FAM171A1: variants seen among roughly 807,000 people sequenced by gnomAD.
FAM171A1 encodes family with sequence similarity 171 member A1.
Under a neutral mutation model 74.9 loss-of-function variants are expected in FAM171A1, and 23 were observed. That is an observed-to-expected ratio of 0.31 (90% CI 0.22 to 0.44). The LOEUF (loss-of-function observed/expected upper bound fraction) is 0.44. Among genes scored for constraint, FAM171A1 ranks in the 20% least tolerant of loss-of-function variants. FAM171A1 has a pLI of 1.00. For missense variants in FAM171A1, 1,162 were observed against 1,159.2 expected, an observed-to-expected ratio of 1.00 and a Z score of -0.03; for synonymous variants, 527 against 505.7, an observed-to-expected ratio of 1.04 and a Z score of -0.57.
At chr10:15,262,491 G>C (rs1458561988) in intron 3 of FAM171A1, among the ~76,000 whole-genome samples, 1 of 152,164 alleles carries the variant, frequency 6.6e-6, no homozygotes, top group Admixed American at 6.5e-5. Flanking sequence ...GGCAGAACCG[G>C]GTAGGGTGGT....
chr10:15,337,271 A>C (rs1835712308), intron 1 of FAM171A1, among the ~76,000 whole-genome samples: 1 of 152,266 alleles, frequency 6.6e-6, no homozygotes, highest in African/African-American at 2.4e-5. Flanking sequence ...AAAGAAATAT[A>C]TGCAAATGGT....
chr10:15,289,937 T>G (rs569372786), intron 1 of FAM171A1, among the ~76,000 whole-genome samples: 9 of 152,212 alleles, frequency 5.9e-5, no homozygotes, highest in African/African-American at 1.9e-4. Flanking sequence ...CTTTTGGCCC[T>G]TTAGAGAAAA....
In FAM171A1 at chr10:15,328,560, C is replaced by T. The variant is rs192125996; in HGVS notation, c.97+42396G>A. Among the ~76,000 whole-genome samples, 6 of 152,354 alleles carry T rather than the reference C, an allele frequency of 3.9e-5. No individual in the cohort carries two copies. The East Asian group carries it at 7.7e-4, about 20-fold the overall frequency. ...GAACTGTGGGGGCAATATGCTGTTT[C>T]GGTAACTTGCTCTGCTCAGGCAACA... On this transcript the variant is annotated intron_variant, in intron 1 of 7. Transcript: ENST00000378116.
At position 15,329,998 on chromosome 10, in the gene FAM171A1, T is replaced by C. The variant is rs60145113; in HGVS notation, c.97+40958A>G. On this transcript the variant is annotated intron_variant, in intron 1 of 7. Transcript: ENST00000378116. ...AAGATAAGCACTTTCTTGCATAGTA[T>C]GGCACTGCAAATCACTGAATATTAT... Among the ~76,000 whole-genome samples the C allele has an allele frequency of 2.8e-3, 431 of 152,332 alleles. 19 individuals are homozygous for C. In the East Asian group the frequency reaches 0.064, roughly 23 times the overall value.
chr10:15,267,619 A>G (rs1054484685), intron 3 of FAM171A1, among the ~76,000 whole-genome samples: 1 of 150,766 alleles, frequency 6.6e-6, no homozygotes, highest in African/African-American at 2.4e-5. Context: ...AAAAAAAAAA[A>G]AAAAAAAAAA....
intron 1 of FAM171A1, among the ~76,000 whole-genome samples, chr10:15,325,861 G>A (rs1382590631): frequency 6.6e-6 from 1 of 152,182 alleles, no homozygotes; most frequent in African/African-American, 2.4e-5. Flanking sequence ...GTCATAGGAA[G>A]TAAAAAGAAA....
At chr10:15,288,813 C>CTTTTT (rs71505064) in intron 1 of FAM171A1, among the ~76,000 whole-genome samples, 1,795 of 73,676 alleles carry the variant, frequency 0.024, 312 homozygotes, top group Non-Finnish European at 0.032. Context: ...TTCGGTAATT[C>CTTTTT]TTTTTTTTTT....
intron 1 of FAM171A1, among the ~76,000 whole-genome samples, chr10:15,324,132 C>T (rs1299053100): frequency 2.6e-5 from 4 of 152,142 alleles, no homozygotes; most frequent in Non-Finnish European, 4.4e-5. Flanking sequence ...CACCCCAGCA[C>T]GTGTAAAATT....
intron 3 of FAM171A1, among the ~76,000 whole-genome samples, chr10:15,269,056 A>T (rs1303693891): frequency 3.3e-5 from 5 of 151,850 alleles, no homozygotes; most frequent in African/African-American, 4.8e-5. Flanking sequence ...AAACAAACAA[A>T]CAAACAAACA....
intron 1 of FAM171A1, among the ~76,000 whole-genome samples, chr10:15,331,859 G>GTGTATACATACATA (rs60559617): frequency 4.4e-5 from 2 of 44,954 alleles, no homozygotes; most frequent in African/African-American, 1.7e-4. Context: ...ATATATGTGT[G>GTGTATACATACATA]TATATATATG....
intron 1 of FAM171A1, among the ~76,000 whole-genome samples, chr10:15,345,596 G>A (rs1835809241): frequency 6.6e-6 from 1 of 152,142 alleles, no homozygotes; most frequent in South Asian, 2.1e-4. Context: ...CCGGTGGTCA[G>A]GAGGGAGGTC....
At position 15,212,924 on chromosome 10, in the gene FAM171A1, G is replaced by A. The variant is rs1159098239; in HGVS notation, c.2664C>T (p.Asn888=). ...GTGGGTCTGCGATAGCTCATTTAAT[G>A]TTAAACGCCATCAGGGGCCTCTCCT... The part of the protein sequence containing the change: ...KREERPLMAF[N]IK Residue 888 remains asparagine, a synonymous_variant, in exon 8 of 8, where the codon AAC becomes AAT. Coordinates refer to ENST00000378116, the MANE Select transcript of FAM171A1 (RefSeq NM_001010924.2). 1.9e-6 allele frequency: 3 copies of A among 1,613,906 alleles called. No individual in the cohort carries two copies. Among genetic ancestry groups the A allele is most frequent in the East Asian group, 4.5e-5 (2 of 44,884 alleles).
chr10:15,253,422 C>T lies in FAM171A1; in HGVS notation c.577+1299G>A, dbSNP rs541337108. ...TTACTTAAGATGACTGCTATGCCAT[C>T]TTTCTGATGACCAAGTACTGACATA... On this transcript the variant is annotated intron_variant, in intron 4 of 7. Transcript: ENST00000378116. 3.9e-5 allele frequency among the ~76,000 whole-genome samples: 6 copies of T among 152,256 alleles called. No homozygotes were observed. The East Asian group carries it at 9.6e-4, about 24-fold the overall frequency.
At chr10:15,284,662 G>A (rs949424095) in intron 1 of FAM171A1, among the ~76,000 whole-genome samples, 4 of 152,154 alleles carry the variant, frequency 2.6e-5, no homozygotes, top group African/African-American at 7.2e-5. Flanking sequence ...CGATCTGCCC[G>A]CCTCAGGCTC....
At position 15,284,022 on chromosome 10, in the gene FAM171A1, C is replaced by T. The variant is rs956543254; in HGVS notation, c.181G>A (p.Ala61Thr). The change falls in exon 2 of 8, where the codon GCC (alanine) becomes ACC (threonine). Residue 61 changes from alanine (A) to threonine (T), a missense_variant. Transcript: ENST00000378116. ...DALIEIFTNQ[A>T]SIASGTSGTD... ...CCCGAGGTGCCAGAGGCTATGGAGG[C>T]CTGGTTGGTGAAGATCTCGATGAGC... 6 of 1,614,002 alleles carry T rather than the reference C, an allele frequency of 3.7e-6. No homozygotes were observed. Among genetic ancestry groups the T allele is most frequent in the Non-Finnish European group, 5.1e-6 (6 of 1,180,042 alleles).
At chr10:15,283,670 G>C (rs759844323) in intron 2 of FAM171A1, among the ~76,000 whole-genome samples, 1 of 152,026 alleles carries the variant, frequency 6.6e-6, no homozygotes, top group Non-Finnish European at 1.5e-5. Flanking sequence ...CTGCAGTCTC[G>C]AACTCCCAGA....
intron 1 of FAM171A1, among the ~76,000 whole-genome samples, chr10:15,351,276 C>T (rs56729289): frequency 0.41 from 61,912 of 151,960 alleles, 12,718 homozygotes; most frequent in Non-Finnish European, 0.46. Context: ...AGAGTCCCTG[C>T]GCAGGAATCA....
At chr10:15,321,135 G>A (rs1835481915) in intron 1 of FAM171A1, among the ~76,000 whole-genome samples, 1 of 152,206 alleles carries the variant, frequency 6.6e-6, no homozygotes, top group Non-Finnish European at 1.5e-5. Context: ...GGGAAAGGTA[G>A]TCAAGATAAT....
chr10:15,224,434 G>A (rs999781149), intron 5 of FAM171A1, among the ~76,000 whole-genome samples: 5 of 152,066 alleles, frequency 3.3e-5, no homozygotes, highest in Non-Finnish European at 5.9e-5. Context: ...GGAAACGGAG[G>A]CACACATGGT....
Sources: allele counts gnomAD v4.1 joint callset (sites outside exome capture counted in the v4.1 genomes callset), GRCh38; gene constraint gnomAD v4.1.1; transcripts MANE v1.5; gene names NCBI Gene and HGNC (gene_info 2026-07-23, HGNC 2026-07-21).